Variants in SLC9A4 observed in about 807,000 individuals in gnomAD.
SLC9A4 encodes sodium/hydrogen exchanger 4.
SLC9A4 carries 63 observed loss-of-function variants against 67.4 expected under a neutral mutation model. The observed-to-expected ratio is 0.93, with a 90% CI of 0.76 to 1.15. The LOEUF (loss-of-function observed/expected upper bound fraction) is 1.15. Ranked by LOEUF, SLC9A4 falls within the 50% of genes most tolerant of loss-of-function variation. The probability of loss-of-function intolerance (pLI) is 0.00; values close to 1 mark genes in which losing one functional copy is unlikely to be tolerated. For synonymous variants in SLC9A4, 393 were observed against 367.2 expected, an observed-to-expected ratio of 1.07 and a Z score of -0.80; for missense variants, 1,089 against 987.7, an observed-to-expected ratio of 1.10 and a Z score of -1.38.
intron 7 of SLC9A4, 49 bp downstream of exon 7, chr2:102,512,322 T>C: frequency 6.3e-7 from 1 of 1,591,370 alleles, no homozygotes; most frequent in Non-Finnish European, 8.6e-7. Context: ...AAAGGTTCCA[T>C]TGGAAGCTGG....
At chr2:102,507,264 G>A (rs1685068885) in intron 4 of SLC9A4, among the ~76,000 whole-genome samples, 1 of 152,236 alleles carries the variant, frequency 6.6e-6, no homozygotes, top group Admixed American at 6.5e-5. Flanking sequence ...ATCAAAGAAT[G>A]CTTGCTGGCA....
rs772626698 is a variant in SLC9A4 at position 102,525,024 on chromosome 2, AC to A, written c.1822del (p.Leu608CysfsTer21). The A allele has an allele frequency of 6.2e-7, 1 of 1,613,866 alleles. No individual in the cohort carries two copies. The highest frequency in any genetic ancestry group is 1.1e-5 in the South Asian group (1 of 91,070). ...ATTTGACATTCCATTTTCTCTGCAG[AC>A]CCTGTCCTACAACAAATACAACCTC... ...TSNMYQVRQR[T>X]LSYNKYNLKP... On this transcript the variant is annotated frameshift_variant and splice_region_variant, in exon 10 of 12. Coordinates refer to ENST00000295269, the MANE Select transcript of SLC9A4 (RefSeq NM_001011552.4). LOFTEE classifies it high-confidence loss of function.
rs886960279 is a variant in SLC9A4, at chr2:102,532,504, G to T, written c.2213G>T (p.Gly738Val). 6.2e-7 allele frequency: 1 copy of T among 1,614,180 alleles called. No individual in the cohort carries two copies. Residue 738 changes from glycine to valine, a missense_variant, in exon 12 of 12, where the codon GGT becomes GTT. By Grantham distance (109) the Gly-to-Val change is moderately radical (BLOSUM62 -3). Coordinates refer to ENST00000295269, the MANE Select transcript of SLC9A4 (RefSeq NM_001011552.4). ...QRNTSQEEYL[G>V]GVRRVALRPK... ...AACACAAGCCAAGAAGAGTACTTGGGTGGAGTAAGGAGGGTGGCCTTAAGA... is the reference window on the plus strand; with the variant it reads ...AACACAAGCCAAGAAGAGTACTTGGTTGGAGTAAGGAGGGTGGCCTTAAGA...
intron 6 of SLC9A4, among the ~76,000 whole-genome samples, chr2:102,511,009 G>A (rs770357521): frequency 2.0e-5 from 3 of 152,204 alleles, no homozygotes; most frequent in Admixed American, 6.5e-5. Flanking sequence ...TGGCACACCC[G>A]AAGCTGAAGT....
intron 8 of SLC9A4, 72 bp from the exon 9 acceptor site, chr2:102,519,787 C>T (rs957517240): frequency 7.2e-7 from 1 of 1,396,342 alleles, no homozygotes; most frequent in Non-Finnish European, 1.0e-6. Flanking sequence ...GAGCAAGGCC[C>T]ACTGATAGTT....
chr2:102,517,053 C>G (rs960914599), intron 8 of SLC9A4, among the ~76,000 whole-genome samples: 1 of 152,154 alleles, frequency 6.6e-6, no homozygotes, highest in African/African-American at 2.4e-5. Context: ...CACATTTCCA[C>G]ATTCTCACAC....
intron 2 of SLC9A4, among the ~76,000 whole-genome samples, chr2:102,490,513 C>A (rs531320044): frequency 1.3e-5 from 2 of 152,132 alleles, no homozygotes; most frequent in Non-Finnish European, 2.9e-5. Context: ...TGGATTAAGG[C>A]CCCACCCTTA....
intron 9 of SLC9A4, among the ~76,000 whole-genome samples, chr2:102,521,179 T>C (rs1685409477): frequency 6.6e-6 from 1 of 152,182 alleles, no homozygotes. Context: ...TTTCCCTATG[T>C]GGATGAAGGC....
chr2:102,492,654 A>T (rs1259853277), intron 2 of SLC9A4, among the ~76,000 whole-genome samples: 1 of 152,184 alleles, frequency 6.6e-6, no homozygotes, highest in South Asian at 2.1e-4. Context: ...GCCTCCAGCC[A>T]TGTGATGGGA....
At position 102,506,867 on chromosome 2, in the gene SLC9A4, T is replaced by C. The variant is rs74724284; in HGVS notation, c.1199-1212T>C. ...ATACTCTTACAGTTGAGGAAACTGATGGAAAAACCACCAAAACAGTGACAA... is the reference window on the plus strand; with the variant it reads ...ATACTCTTACAGTTGAGGAAACTGACGGAAAAACCACCAAAACAGTGACAA... On this transcript the variant is annotated intron_variant, in intron 4 of 11. Transcript: ENST00000295269. 9.5e-3 allele frequency among the ~76,000 whole-genome samples: 1,442 copies of C among 152,238 alleles called. 19 individuals are homozygous for C. The highest frequency in any genetic ancestry group is 0.028 in the African/African-American group (1,162 of 41,524).
At chr2:102,530,170 T>A (rs2104452178) in intron 11 of SLC9A4, among the ~76,000 whole-genome samples, 1 of 152,352 alleles carries the variant, frequency 6.6e-6, no homozygotes, top group South Asian at 2.1e-4. Context: ...TCTGGGTGTC[T>A]GAACAGTGTA....
intron 2 of SLC9A4, among the ~76,000 whole-genome samples, chr2:102,483,887 T>C (rs944430321): frequency 2.0e-5 from 3 of 146,688 alleles, no homozygotes; most frequent in African/African-American, 7.5e-5. Flanking sequence ...ACATATATAA[T>C]ATATAGAAAA....
intron 3 of SLC9A4, among the ~76,000 whole-genome samples, 156 bp downstream of exon 3, chr2:102,503,863 C>T (rs1259459181): frequency 6.6e-6 from 1 of 152,164 alleles, no homozygotes; most frequent in Non-Finnish European, 1.5e-5. Flanking sequence ...AAACCTGATT[C>T]GGGTTCTTTG....
In SLC9A4 at chr2:102,532,401, A is replaced by G; in HGVS notation, c.2110A>G (p.Lys704Glu). The G allele has an allele frequency of 6.2e-7, 1 of 1,614,214 alleles. No individual in the cohort carries two copies. The highest frequency in any genetic ancestry group is 1.3e-5 in the African/African-American group (1 of 75,042). ...SACSRIGSLQ[K>E]QEAQEIIPMK... ...ATGCTCTCGGATAGGGTCACTTCAGAAGCAAGAGGCACAAGAAATAATACC... is the reference window on the plus strand; with the variant it reads ...ATGCTCTCGGATAGGGTCACTTCAGGAGCAAGAGGCACAAGAAATAATACC... Residue 704 changes from lysine to glutamate, a missense_variant, in exon 12 of 12, where the codon AAG (lysine) becomes GAG (glutamate). Transcript: ENST00000295269.
chr2:102,478,359 T>C (rs1267018793), intron 1 of SLC9A4, among the ~76,000 whole-genome samples: 3 of 152,204 alleles, frequency 2.0e-5, no homozygotes, highest in Non-Finnish European at 4.4e-5. Context: ...GCTGACCAGA[T>C]AGCAATGTCA....
At chr2:102,527,520 A>G (rs932601479) in intron 11 of SLC9A4, among the ~76,000 whole-genome samples, 1 of 152,224 alleles carries the variant, frequency 6.6e-6, no homozygotes, top group Non-Finnish European at 1.5e-5. Context: ...ATAAACAATG[A>G]TACATATTAA....
intron 2 of SLC9A4, among the ~76,000 whole-genome samples, chr2:102,483,941 ACAT>A (rs1216548719): frequency 1.3e-5 from 2 of 149,866 alleles, no homozygotes; most frequent in African/African-American, 4.9e-5. Context: ...GCATATATAA[ACAT>A]CATGTTGTAC....
At chr2:102,498,307 T>C (rs2104428216) in intron 2 of SLC9A4, among the ~76,000 whole-genome samples, 1 of 152,366 alleles carries the variant, frequency 6.6e-6, no homozygotes, top group South Asian at 2.1e-4. Context: ...TGTACTACTT[T>C]AGCTTCTGAA....
intron 6 of SLC9A4, among the ~76,000 whole-genome samples, chr2:102,510,817 AG>A (rs1685151610): frequency 6.6e-6 from 1 of 152,238 alleles, no homozygotes; most frequent in Non-Finnish European, 1.5e-5. Context: ...CATCCCAGTC[AG>A]GCAAAGATGA....
Sources: gnomAD v4.1 joint callset for allele counts (sites outside exome capture counted in the v4.1 genomes callset) on GRCh38, gnomAD v4.1.1 for gene constraint, MANE v1.5 for transcripts, NCBI Gene and HGNC (gene_info 2026-07-23, HGNC 2026-07-21) for gene names.